Variants in SLC25A21 observed in about 807,000 individuals in gnomAD.
The protein encoded by SLC25A21 is mitochondrial 2-oxodicarboxylate carrier.
SLC25A21 carries 47 observed loss-of-function variants against 43.8 expected under a neutral mutation model. The ratio of observed to expected loss-of-function variants is 1.07; its 90% CI spans 0.85 to 1.37. SLC25A21 has a LOEUF of 1.37. Among genes scored for constraint, SLC25A21 ranks in the 40% most tolerant of loss-of-function variants. SLC25A21 has a pLI of 0.00. For missense variants in SLC25A21, 352 were observed against 350.2 expected (o/e 1.00, Z -0.04); for synonymous variants, 131 against 121.3 (o/e 1.08, Z -0.52).
intron 6 of SLC25A21, among the ~76,000 whole-genome samples, chr14:36,723,826 T>C (rs1040117745): frequency 6.6e-6 from 1 of 152,182 alleles, no homozygotes; most frequent in African/African-American, 2.4e-5. Flanking sequence ...TCTGTCCCAT[T>C]TGAGTCCTTG....
intron 2 of SLC25A21, among the ~76,000 whole-genome samples, chr14:36,856,364 G>T (rs966132993): frequency 6.6e-6 from 1 of 152,164 alleles, no homozygotes; most frequent in African/African-American, 2.4e-5. Context: ...TTCCAAAGCG[G>T]TCAGGCCAGT....
chr14:36,893,348 T>C (rs890951467), intron 1 of SLC25A21, among the ~76,000 whole-genome samples: 2 of 152,234 alleles, frequency 1.3e-5, no homozygotes, highest in Non-Finnish European at 2.9e-5. Flanking sequence ...AAAAGTCTTC[T>C]TTCGAGAAGT....
intron 3 of SLC25A21, among the ~76,000 whole-genome samples, chr14:36,806,228 A>G (rs1051871959): frequency 1.3e-5 from 2 of 151,846 alleles, no homozygotes; most frequent in Non-Finnish European, 1.5e-5. Context: ...TTTTACTTTT[A>G]TTTTATTTTA....
intron 1 of SLC25A21, among the ~76,000 whole-genome samples, chr14:36,972,189 G>C (rs1243146638): frequency 6.6e-6 from 1 of 152,112 alleles, no homozygotes; most frequent in Non-Finnish European, 1.5e-5. Context: ...TTGTAGCCTA[G>C]GAGCAATAGG....
At chr14:36,943,861 T>C (rs1414162255) in intron 1 of SLC25A21, among the ~76,000 whole-genome samples, 1 of 152,180 alleles carries the variant, frequency 6.6e-6, no homozygotes, top group African/African-American at 2.4e-5. Context: ...TTTAAAAAGC[T>C]GGCTAAGAAA....
At chr14:37,070,332 C>T (rs754846984) in intron 1 of SLC25A21, among the ~76,000 whole-genome samples, 2 of 152,104 alleles carry the variant, frequency 1.3e-5, no homozygotes, top group African/African-American at 2.4e-5. Flanking sequence ...TTTAGTAAAC[C>T]TATTTATATT....
chr14:36,775,093 G>C (rs1405317133), intron 3 of SLC25A21, among the ~76,000 whole-genome samples: 1 of 152,104 alleles, frequency 6.6e-6, no homozygotes, highest in African/African-American at 2.4e-5. Flanking sequence ...TCATGAGATG[G>C]TATTCCCTTC....
At chr14:36,687,237 G>C (rs975038882) in intron 7 of SLC25A21, among the ~76,000 whole-genome samples, 1 of 152,164 alleles carries the variant, frequency 6.6e-6, no homozygotes, top group Non-Finnish European at 1.5e-5. Flanking sequence ...ACAGCCATGA[G>C]CCACCGTGCC....
chr14:36,955,859 A>G (rs1445654286), intron 1 of SLC25A21, among the ~76,000 whole-genome samples: 1 of 152,186 alleles, frequency 6.6e-6, no homozygotes, highest in Non-Finnish European at 1.5e-5. Context: ...ACATACACAT[A>G]CAAAAAGTAG....
At chr14:36,787,989 C>T (rs1349592357) in intron 3 of SLC25A21, among the ~76,000 whole-genome samples, 2 of 152,104 alleles carry the variant, frequency 1.3e-5, no homozygotes, top group African/African-American at 4.8e-5. Flanking sequence ...TTGATGTGGA[C>T]GCTAAGCAAC....
chr14:36,722,127 A>G (rs1441415296), intron 6 of SLC25A21, among the ~76,000 whole-genome samples: 1 of 152,328 alleles, frequency 6.6e-6, no homozygotes, highest in South Asian at 2.1e-4. Context: ...CCTAGTTGAG[A>G]TGTGCTGTTA....
intron 1 of SLC25A21, among the ~76,000 whole-genome samples, chr14:37,068,426 T>C (rs1278662227): frequency 5.3e-5 from 8 of 152,084 alleles, no homozygotes; most frequent in African/African-American, 1.9e-4. Flanking sequence ...CAAGGTATGA[T>C]GATTTTTTTT....
intron 5 of SLC25A21, among the ~76,000 whole-genome samples, chr14:36,727,094 C>T (rs61676103): frequency 0.012 from 1,817 of 152,208 alleles, 32 homozygotes; most frequent in African/African-American, 0.041. Flanking sequence ...AGGTGCCCAA[C>T]CAAGGGTGCT....
chr14:36,955,632 A>G (rs141089088), intron 1 of SLC25A21, among the ~76,000 whole-genome samples: 217 of 152,326 alleles, frequency 1.4e-3, no homozygotes, highest in African/African-American at 4.1e-3. Context: ...CCAAGATTAA[A>G]GATGTATGAT....
At chr14:36,789,861 A>ATT (rs1396465884) in intron 3 of SLC25A21, among the ~76,000 whole-genome samples, 2 of 106,056 alleles carry the variant, frequency 1.9e-5, no homozygotes, top group South Asian at 2.6e-4. Context: ...ATATATTTAT[A>ATT]TAAAAATATA....
At chr14:36,999,095 G>C (rs959529438) in intron 1 of SLC25A21, among the ~76,000 whole-genome samples, 3 of 152,052 alleles carry the variant, frequency 2.0e-5, no homozygotes, top group African/African-American at 7.2e-5. Context: ...AACCTATATG[G>C]GATGTTTACA....
intron 3 of SLC25A21, among the ~76,000 whole-genome samples, chr14:36,809,800 T>C (rs1210423403): frequency 1.3e-5 from 2 of 152,210 alleles, no homozygotes; most frequent in African/African-American, 4.8e-5. Flanking sequence ...TTCTCCTAAT[T>C]ATGTCAACAG....
At chr14:36,924,172 C>A (rs1892063686) in intron 1 of SLC25A21, among the ~76,000 whole-genome samples, 1 of 152,114 alleles carries the variant, frequency 6.6e-6, no homozygotes, top group African/African-American at 2.4e-5. Context: ...CATCCCATTA[C>A]TGGGTATATA....
intron 1 of SLC25A21, among the ~76,000 whole-genome samples, chr14:37,150,405 T>G (rs1043650427): frequency 6.6e-6 from 1 of 152,192 alleles, no homozygotes; most frequent in African/African-American, 2.4e-5. Flanking sequence ...TAAAAACAGT[T>G]TCTTCCATCC....
Sources: gnomAD v4.1 joint callset for allele counts (sites outside exome capture counted in the v4.1 genomes callset) on GRCh38, gnomAD v4.1.1 for gene constraint, MANE v1.5 for transcripts, NCBI Gene and HGNC (gene_info 2026-07-23, HGNC 2026-07-21) for gene names.